The following RAI14 variants were observed in gnomAD, a reference collection of about 807,000 sequenced individuals.
RAI14 encodes ankycorbin.
A neutral mutation model predicts 115.4 loss-of-function variants in RAI14; 45 were observed. That is an observed-to-expected ratio of 0.39 (90% CI 0.31 to 0.50). The LOEUF (loss-of-function observed/expected upper bound fraction) is 0.50. RAI14 is among the 20% of genes least tolerant of loss of function. The pLI is 0.85. For synonymous variants in RAI14, 371 were observed against 415.4 expected (o/e 0.89, Z 1.30); for missense variants, 939 against 1,131.2 (o/e 0.83, Z 2.44).
chr5:34,740,021 C>T (rs1745310958), intron 2 of RAI14, among the ~76,000 whole-genome samples: 2 of 152,084 alleles, frequency 1.3e-5, no homozygotes, highest in Admixed American at 6.5e-5. Context: ...CCACTGCACT[C>T]CAGCCTGGGT....
intron 16 of RAI14, among the ~76,000 whole-genome samples, chr5:34,827,000 T>C (rs1490565660): frequency 6.6e-6 from 1 of 152,242 alleles, no homozygotes; most frequent in East Asian, 1.9e-4. Flanking sequence ...TATTTTACAG[T>C]TGCATTGAAC....
rs563213279 is a variant in RAI14 at position 34,831,882 on chromosome 5, C to T, written c.*1117C>T. ...GAATCTAGCAAATCCTCCTTTTACC[C>T]GTTGAATGTTTTGAATGCCCTGACT... On this transcript the variant is annotated 3_prime_UTR_variant, in exon 18 of 18. Transcript: ENST00000265109. The T allele has an allele frequency of 6.6e-6, 1 of 152,182 alleles. No homozygotes were observed. The highest frequency in any genetic ancestry group is 1.5e-5 in the Non-Finnish European group (1 of 68,014). 9.4% of individuals were successfully genotyped at this position (152,182 alleles called of 1,614,324 possible). A position where few individuals can be genotyped will look rare whatever the true frequency, so the allele number is the denominator to read the frequency against.
chr5:34,742,785 T>C (rs544437742), intron 2 of RAI14, among the ~76,000 whole-genome samples: 1 of 152,174 alleles, frequency 6.6e-6, no homozygotes, highest in South Asian at 2.1e-4. Context: ...TGCCTCAGCC[T>C]CCTGAGTAGC....
At chr5:34,721,076 T>C (rs888703024) in intron 2 of RAI14, among the ~76,000 whole-genome samples, 1 of 151,920 alleles carries the variant, frequency 6.6e-6, no homozygotes. Flanking sequence ...ACATGGGTTC[T>C]CTTCCCCTAT....
At chr5:34,717,409 T>C (rs114627162) in intron 2 of RAI14, among the ~76,000 whole-genome samples, 15,574 of 152,236 alleles carry the variant, frequency 0.1, 1,159 homozygotes, top group Non-Finnish European at 0.15. Flanking sequence ...TACAATGCAG[T>C]TTTATGAGGC....
At position 34,751,143 on chromosome 5, in the gene RAI14, G is replaced by A. The variant is rs149049968; in HGVS notation, c.37-6325G>A. ...TGGCATTACAGGTGTGAGCCACCGCGCCCGGCCATAATTTTTTTTTTTTTT... is the reference window on the plus strand; with the variant it reads ...TGGCATTACAGGTGTGAGCCACCGCACCCGGCCATAATTTTTTTTTTTTTT... On this transcript the variant is annotated intron_variant, in intron 2 of 17. Coordinates refer to ENST00000265109, the MANE Select transcript of RAI14 (RefSeq NM_015577.3). 1.3e-3 allele frequency among the ~76,000 whole-genome samples: 166 copies of A among 127,244 alleles called. 2 individuals are homozygous for A. The highest frequency in any genetic ancestry group is 7.2e-3 in the East Asian group (31 of 4,304). 83.5% of individuals were successfully genotyped at this position (127,244 alleles called of 152,430 possible).
chr5:34,821,153 T>C (rs1198164227), intron 13 of RAI14, among the ~76,000 whole-genome samples: 1 of 152,162 alleles, frequency 6.6e-6, no homozygotes, highest in East Asian at 1.9e-4. Context: ...TTGGAGATTA[T>C]TTTTGGAGGG....
chr5:34,776,343 C>T (rs1197957274), intron 3 of RAI14, among the ~76,000 whole-genome samples: 1 of 151,874 alleles, frequency 6.6e-6, no homozygotes, highest in African/African-American at 2.4e-5. Flanking sequence ...AATAAGATCT[C>T]GTATTTGATA....
chr5:34,776,806 T>TCCGGCTCAAAAAAAAAAAACAACAAA (rs1561347587), intron 3 of RAI14, among the ~76,000 whole-genome samples: 2 of 89,798 alleles, frequency 2.2e-5, no homozygotes, highest in Non-Finnish European at 3.1e-5. Flanking sequence ...GACCCTTTAT[T>TCCGGCTCAAAAAAAAAAAACAACAAA]AAAAAAACCC....
At chr5:34,703,494 A>T (rs1324052546) in intron 2 of RAI14, among the ~76,000 whole-genome samples, 3 of 152,350 alleles carry the variant, frequency 2.0e-5, no homozygotes, top group East Asian at 3.9e-4. Context: ...CATGCTTGTG[A>T]TGCTTAAAAT....
At chr5:34,771,392 C>T (rs1045775411) in intron 3 of RAI14, among the ~76,000 whole-genome samples, 4 of 152,120 alleles carry the variant, frequency 2.6e-5, no homozygotes, top group African/African-American at 9.7e-5. Context: ...GTGAAGAAGG[C>T]AAGAAAGACT....
chr5:34,688,261 A>G, intron 2 of RAI14: 1 of 1,545,164 alleles, frequency 6.5e-7, no homozygotes, highest in Non-Finnish European at 8.8e-7. Context: ...AATTAAATGG[A>G]AAATGTTGCC....
At chr5:34,764,789 G>A (rs1437266847) in intron 3 of RAI14, among the ~76,000 whole-genome samples, 2 of 152,052 alleles carry the variant, frequency 1.3e-5, no homozygotes, top group Non-Finnish European at 2.9e-5. Context: ...CAAGATTGTG[G>A]TGCAAAATTG....
chr5:34,781,168 A>C (rs1751575078), intron 3 of RAI14, among the ~76,000 whole-genome samples: 2 of 145,792 alleles, frequency 1.4e-5, no homozygotes, highest in African/African-American at 5.0e-5. Flanking sequence ...TGGGAATCGA[A>C]CAATGAGAAC....
intron 2 of RAI14, among the ~76,000 whole-genome samples, chr5:34,728,083 G>A (rs1325035271): frequency 2.0e-5 from 3 of 152,158 alleles, no homozygotes; most frequent in Non-Finnish European, 4.4e-5. Flanking sequence ...TAAAGATTTG[G>A]CTCCCCCTCT....
chr5:34,742,543 GT>G (rs1745640620), intron 2 of RAI14, among the ~76,000 whole-genome samples: 1 of 151,992 alleles, frequency 6.6e-6, no homozygotes, highest in Non-Finnish European at 1.5e-5. Context: ...ATAAAAATGT[GT>G]TTTCTTTAAG....
rs1390929922 is a variant in RAI14, at chr5:34,818,260, T to G, written c.940-537T>G. On this transcript the variant is annotated intron_variant, in intron 12 of 17. Transcript: ENST00000265109. Reference sequence around the variant, plus strand: ...AGGGACAAAGCATTAGAGAAAATCTTTAGGGAATCTATTGCCAATCTGAGA... The same window carrying G: ...AGGGACAAAGCATTAGAGAAAATCTGTAGGGAATCTATTGCCAATCTGAGA... 2.0e-5 allele frequency among the ~76,000 whole-genome samples: 3 copies of G among 152,188 alleles called. No individual in the cohort carries two copies. The East Asian group carries it at 5.8e-4, about 29-fold the overall frequency.
chr5:34,732,032 G>A (rs1744246888), intron 2 of RAI14, among the ~76,000 whole-genome samples: 1 of 152,186 alleles, frequency 6.6e-6, no homozygotes, highest in Non-Finnish European at 1.5e-5. Context: ...AAGACTCCTC[G>A]GAGATGACCA....
At chr5:34,665,991 A>G (rs1317071464) in intron 1 of RAI14, among the ~76,000 whole-genome samples, 1 of 152,220 alleles carries the variant, frequency 6.6e-6, no homozygotes, top group Non-Finnish European at 1.5e-5. Flanking sequence ...AATAAAATGC[A>G]ATTTATATGC....
Sources: allele counts gnomAD v4.1 joint callset (sites outside exome capture counted in the v4.1 genomes callset), GRCh38; gene constraint gnomAD v4.1.1; transcripts MANE v1.5; gene names NCBI Gene and HGNC (gene_info 2026-07-23, HGNC 2026-07-21).